The following SLCO2A1 variants were observed in gnomAD, a reference collection of about 807,000 sequenced individuals.
SLCO2A1 encodes solute carrier organic anion transporter family member 2A1.
Under a neutral mutation model 71.7 loss-of-function variants are expected in SLCO2A1, and 60 were observed. The observed-to-expected ratio is 0.84, with a 90% CI of 0.68 to 1.04. SLCO2A1 has a LOEUF of 1.04. Among genes scored for constraint, SLCO2A1 ranks in the 50% least tolerant of loss-of-function variants. SLCO2A1 has a pLI of 0.00. For missense variants in SLCO2A1, 745 were observed against 813.4 expected, an observed-to-expected ratio of 0.92 and a Z score of 1.02; for synonymous variants, 308 against 326.7, an observed-to-expected ratio of 0.94 and a Z score of 0.62.
chr3:133,951,053 T>C, intron 6 of SLCO2A1, 155 bp downstream of exon 6: 1 of 992,088 alleles, frequency 1.0e-6, no homozygotes, highest in Non-Finnish European at 1.6e-6. Context: ...CCCTCACCTC[T>C]TAAAGCCTCT....
chr3:134,006,429 C>T (rs6768961), intron 1 of SLCO2A1, among the ~76,000 whole-genome samples: 115,226 of 152,052 alleles, frequency 0.76, 44,375 homozygotes, highest in Non-Finnish European at 0.83. Flanking sequence ...GAACTCTTTT[C>T]GTCTTGCAAA....
intron 12 of SLCO2A1, among the ~76,000 whole-genome samples, chr3:133,938,071 G>A (rs184701877): frequency 8.7e-4 from 133 of 152,348 alleles, no homozygotes; most frequent in African/African-American, 2.8e-3. Context: ...CCAGGGCTGG[G>A]CTCAGCCGCT....
chr3:133,943,483 G>A (rs373916912), intron 10 of SLCO2A1, among the ~76,000 whole-genome samples: 1 of 152,184 alleles, frequency 6.6e-6, no homozygotes, highest in East Asian at 1.9e-4. Flanking sequence ...TCCTTCTGCC[G>A]ACAGTGGTAA....
intron 1 of SLCO2A1, among the ~76,000 whole-genome samples, chr3:133,988,716 G>A (rs1419218766): frequency 6.6e-6 from 1 of 152,234 alleles, no homozygotes; most frequent in African/African-American, 2.4e-5. Context: ...GGACAGCCAT[G>A]TGCTGCTGGC....
At chr3:133,973,557 G>T in intron 3 of SLCO2A1, 106 bp downstream of exon 3, 1 of 1,183,050 alleles carries the variant, frequency 8.5e-7, no homozygotes, top group Non-Finnish European at 1.2e-6. Flanking sequence ...AGCTTCATAT[G>T]CCCTCTTCCT....
chr3:133,942,849 T>C (rs1427292532), intron 10 of SLCO2A1, 81 bp from the exon 11 acceptor site: 2 of 1,401,884 alleles, frequency 1.4e-6, no homozygotes, highest in East Asian at 5.0e-5. Context: ...GCACCAGCTC[T>C]TGTTGGAGAC....
intron 10 of SLCO2A1, among the ~76,000 whole-genome samples, chr3:133,944,163 T>C (rs72980303): frequency 0.028 from 4,283 of 152,282 alleles, 198 homozygotes; most frequent in African/African-American, 0.098. Flanking sequence ...CTGGTGTGCA[T>C]AGAATTCTGT....
Position 133,954,453 on chromosome 3 carries a change from C to T in SLCO2A1, c.625+513G>A, listed in dbSNP as rs189904259. ...CTGGGATTACAGGCATGAGCCACCA[C>T]GCCCGTCCCAAAGTGGCTTGTTCGA... On this transcript the variant is annotated intron_variant, in intron 4 of 13. Coordinates refer to ENST00000310926, the MANE Select transcript of SLCO2A1 (RefSeq NM_005630.3). Among the ~76,000 whole-genome samples the T allele has an allele frequency of 7.9e-5, 12 of 152,334 alleles. 1 individual carries two copies. Among genetic ancestry groups the T allele is most frequent in the East Asian group, 5.8e-4 (3 of 5,178 alleles).
intron 3 of SLCO2A1, among the ~76,000 whole-genome samples, chr3:133,955,937 C>T (rs908547992): frequency 1.3e-5 from 2 of 152,178 alleles, no homozygotes; most frequent in Non-Finnish European, 2.9e-5. Context: ...GTCCCAGACA[C>T]CCTGGGTGAG....
intron 3 of SLCO2A1, among the ~76,000 whole-genome samples, chr3:133,966,459 T>G (rs1486421556): frequency 1.3e-5 from 2 of 152,244 alleles, no homozygotes; most frequent in East Asian, 3.9e-4. Context: ...TGGAGTCCCC[T>G]GCTCACACCT....
chr3:133,951,197 T>C lies in SLCO2A1; in HGVS notation c.861+11A>G. 6.2e-7 allele frequency: 1 copy of C among 1,614,090 alleles called. No individual in the cohort carries two copies. The highest frequency in any genetic ancestry group is 8.5e-7 in the Non-Finnish European group (1 of 1,179,996). ...TCCATCAGGTAGAGTCATGGGCTCT[T>C]GGAACCTTACCTTTGCTCCTATGGG... is the stretch of plus-strand genomic sequence containing the variant. On this transcript the variant is annotated intron_variant, in intron 6 of 13. Transcript: ENST00000310926.
intron 11 of SLCO2A1, among the ~76,000 whole-genome samples, chr3:133,939,962 CTTTTTTTTT>C (rs752743899): frequency 4.7e-5 from 5 of 106,328 alleles, no homozygotes; most frequent in East Asian, 2.6e-4. Flanking sequence ...ACAAAGTCAT[CTTTTTTTTT>C]TTTTTTTTTT....
At chr3:133,936,528 C>G (rs772797084) in intron 12 of SLCO2A1, among the ~76,000 whole-genome samples, 5 of 152,190 alleles carry the variant, frequency 3.3e-5, no homozygotes, top group Non-Finnish European at 5.9e-5. Flanking sequence ...TTTGGCTTGG[C>G]AGGGGCTATG....
chr3:133,938,014 T>A (rs1933315870), intron 12 of SLCO2A1, among the ~76,000 whole-genome samples: 1 of 152,236 alleles, frequency 6.6e-6, no homozygotes, highest in South Asian at 2.1e-4. Context: ...AAGAAACTTT[T>A]GCTAAATAGT....
At chr3:133,953,921 C>G (rs990429338) in intron 4 of SLCO2A1, among the ~76,000 whole-genome samples, 160 bp from the exon 5 acceptor site, 1 of 152,138 alleles carries the variant, frequency 6.6e-6, no homozygotes, top group Non-Finnish European at 1.5e-5. Flanking sequence ...GCCAGAACCA[C>G]TCAAGATTCC....
At position 133,993,071 on chromosome 3, in the gene SLCO2A1, C is replaced by A. The variant is rs566757850; in HGVS notation, c.97-13453G>T. Among the ~76,000 whole-genome samples, 6 of 152,340 alleles carry A rather than the reference C, an allele frequency of 3.9e-5. No individual in the cohort carries two copies. The East Asian group carries it at 1.2e-3, about 29-fold the overall frequency. Reference sequence around the variant, plus strand: ...TTCAGGGGTCATGGGCACCCCACCTCCAGATGCTGCCGTGGGGCCCACAAG... The same window carrying A: ...TTCAGGGGTCATGGGCACCCCACCTACAGATGCTGCCGTGGGGCCCACAAG... On this transcript the variant is annotated intron_variant, in intron 1 of 13. Transcript: ENST00000310926.
intron 1 of SLCO2A1, among the ~76,000 whole-genome samples, chr3:133,980,634 T>C (rs1335499639): frequency 6.6e-6 from 1 of 152,244 alleles, no homozygotes; most frequent in African/African-American, 2.4e-5. Flanking sequence ...TTTCCATGAA[T>C]GAACAGCTGC....
intron 3 of SLCO2A1, among the ~76,000 whole-genome samples, chr3:133,971,541 G>A (rs1934326820): frequency 6.6e-6 from 1 of 152,200 alleles, no homozygotes; most frequent in South Asian, 2.1e-4. Context: ...TCCTGTTCCA[G>A]GCACTTCGTT....
Position 133,950,577 on chromosome 3 carries a change from C to G in SLCO2A1, c.861+631G>C, listed in dbSNP as rs141419275. ...ACTCAACCTAGCTGCCATATTGCCA[C>G]CCAAGTGGCCACCCAGTCACTGCAG... is the stretch of plus-strand genomic sequence containing the variant. On this transcript the variant is annotated intron_variant, in intron 6 of 13. Coordinates refer to ENST00000310926, the MANE Select transcript of SLCO2A1 (RefSeq NM_005630.3). Among the ~76,000 whole-genome samples the G allele has an allele frequency of 1.5e-3, 224 of 152,320 alleles. 1 individual carries two copies. Among genetic ancestry groups the G allele is most frequent in the Middle Eastern group, 3.4e-3 (1 of 294 alleles).
Sources: allele counts gnomAD v4.1 joint callset (sites outside exome capture counted in the v4.1 genomes callset), GRCh38; gene constraint gnomAD v4.1.1; transcripts MANE v1.5; gene names NCBI Gene and HGNC (gene_info 2026-07-23, HGNC 2026-07-21).